The following MAGI2 variants were observed in gnomAD, a reference collection of about 807,000 sequenced individuals.
MAGI2 encodes membrane-associated guanylate kinase, WW and PDZ domain-containing protein 2.
Under a neutral mutation model 133.3 loss-of-function variants are expected in MAGI2, and 35 were observed. The ratio of observed to expected loss-of-function variants is 0.26; its 90% CI spans 0.20 to 0.35. MAGI2 has a LOEUF of 0.35. Among genes scored for constraint, MAGI2 ranks in the 10% least tolerant of loss-of-function variants. The pLI is 1.00. For synonymous variants in MAGI2, 729 were observed against 710.6 expected (o/e 1.03, Z -0.41); for missense variants, 1,636 against 1,863.4 (o/e 0.88, Z 2.25).
intron 1 of MAGI2, among the ~76,000 whole-genome samples, chr7:79,311,305 A>G (rs1168352243): frequency 6.6e-6 from 1 of 152,176 alleles, no homozygotes; most frequent in Non-Finnish European, 1.5e-5. Flanking sequence ...TGGGTCACAC[A>G]TAAAATACAC....
chr7:79,341,126 T>A (rs759071221), intron 1 of MAGI2, among the ~76,000 whole-genome samples: 1 of 152,166 alleles, frequency 6.6e-6, no homozygotes, highest in Non-Finnish European at 1.5e-5. Context: ...ACATAGCACT[T>A]ATGTTGTAAG....
intron 2 of MAGI2, among the ~76,000 whole-genome samples, chr7:79,000,859 TGTAATTCAATCAG>T (rs1371502602): frequency 5.9e-5 from 9 of 152,204 alleles, no homozygotes; most frequent in African/African-American, 2.2e-4. Context: ...CGTAACTCAG[TGTAATTCAATCAG>T]GTCTTCCACA....
rs548065263 is a variant in MAGI2, at chr7:79,193,735, C to A, written c.302-186529G>T. ...CCTTTAATAGTACTTTCTCCCCCCACCACTTTTTGTACAAGGGCCCTACAT... is the reference window on the plus strand; with the variant it reads ...CCTTTAATAGTACTTTCTCCCCCCAACACTTTTTGTACAAGGGCCCTACAT... On this transcript the variant is annotated intron_variant, in intron 1 of 21. Coordinates refer to ENST00000354212, the MANE Select transcript of MAGI2 (RefSeq NM_012301.4). Among the ~76,000 whole-genome samples the A allele has an allele frequency of 4.1e-4, 63 of 151,898 alleles. 1 individual carries two copies. Among genetic ancestry groups the A allele is most frequent in the Non-Finnish European group, 2.9e-4 (20 of 67,966 alleles).
At chr7:79,185,277 G>A (rs1265572549) in intron 1 of MAGI2, among the ~76,000 whole-genome samples, 1 of 151,782 alleles carries the variant, frequency 6.6e-6, no homozygotes, top group Non-Finnish European at 1.5e-5. Flanking sequence ...ATCTCCAAAT[G>A]AATAGAATAA....
intron 3 of MAGI2, among the ~76,000 whole-genome samples, chr7:78,602,369 A>C (rs1183087275): frequency 6.6e-6 from 1 of 152,136 alleles, no homozygotes; most frequent in Non-Finnish European, 1.5e-5. Flanking sequence ...CACGTTGGCC[A>C]AGCTGGTCTC....
chr7:79,144,472 C>T (rs1392351337), intron 1 of MAGI2, among the ~76,000 whole-genome samples: 1 of 152,220 alleles, frequency 6.6e-6, no homozygotes, highest in African/African-American at 2.4e-5. Context: ...CAAGACATGT[C>T]TGCCTTCCCT....
intron 1 of MAGI2, among the ~76,000 whole-genome samples, chr7:79,051,560 C>T (rs1220722768): frequency 1.3e-5 from 2 of 152,106 alleles, no homozygotes; most frequent in African/African-American, 4.8e-5. Context: ...TCTCTTATTG[C>T]ACATGTCTTT....
chr7:78,425,840 T>G (rs1272408028), intron 6 of MAGI2, among the ~76,000 whole-genome samples: 12 of 152,178 alleles, frequency 7.9e-5, no homozygotes, highest in Non-Finnish European at 1.6e-4. Context: ...AGCAAATAAA[T>G]TATTCCAAAT....
At chr7:78,084,560 T>C (rs1428854541) in intron 20 of MAGI2, among the ~76,000 whole-genome samples, 1 of 152,210 alleles carries the variant, frequency 6.6e-6, no homozygotes, top group Non-Finnish European at 1.5e-5. Flanking sequence ...ATCCAAATCA[T>C]GACAATTTCA....
intron 2 of MAGI2, among the ~76,000 whole-genome samples, chr7:78,758,658 G>A (rs988389614): frequency 2.6e-5 from 4 of 152,082 alleles, no homozygotes; most frequent in Admixed American, 2.0e-4. Flanking sequence ...CATCACAAAA[G>A]GGTCTCATTC....
At chr7:79,136,075 AAGAAAG>A (rs1173772694) in intron 1 of MAGI2, among the ~76,000 whole-genome samples, 1 of 88,188 alleles carries the variant, frequency 1.1e-5, no homozygotes, top group Non-Finnish European at 2.3e-5. Flanking sequence ...GAAGGAAAGA[AAGAAAG>A]AAAGAAAGAA....
chr7:78,357,480 C>A (rs74706616), intron 7 of MAGI2, among the ~76,000 whole-genome samples: 193 of 152,208 alleles, frequency 1.3e-3, no homozygotes, highest in African/African-American at 4.3e-3. Flanking sequence ...GACAATCATT[C>A]CTGTCATTTT....
intron 1 of MAGI2, among the ~76,000 whole-genome samples, chr7:79,166,399 C>G (rs1223118211): frequency 6.6e-6 from 1 of 152,074 alleles, no homozygotes; most frequent in Non-Finnish European, 1.5e-5. Context: ...GAAGAAAATT[C>G]TGTCAACAGT....
chr7:78,335,676 CA>C (rs1358787200), intron 9 of MAGI2, among the ~76,000 whole-genome samples: 1 of 151,712 alleles, frequency 6.6e-6, no homozygotes, highest in South Asian at 2.1e-4. Flanking sequence ...GGTTGGAAGA[CA>C]AAAAAATGAC....
At chr7:78,427,214 A>T (rs1370454621) in intron 6 of MAGI2, among the ~76,000 whole-genome samples, 1 of 152,134 alleles carries the variant, frequency 6.6e-6, no homozygotes, top group Non-Finnish European at 1.5e-5. Flanking sequence ...AGGAAGAATA[A>T]CAAAATAAGA....
intron 1 of MAGI2, among the ~76,000 whole-genome samples, chr7:79,374,668 T>C (rs1330577512): frequency 6.6e-6 from 1 of 152,008 alleles, no homozygotes; most frequent in Non-Finnish European, 1.5e-5. Flanking sequence ...AATTCAGATA[T>C]GGTGTTTAAA....
intron 1 of MAGI2, among the ~76,000 whole-genome samples, chr7:79,265,244 G>A (rs1834359515): frequency 6.6e-6 from 1 of 152,134 alleles, no homozygotes; most frequent in African/African-American, 2.4e-5. Context: ...TACTGAACCA[G>A]AGACTTGCGG....
chr7:79,374,729 AT>A (rs1843275913), intron 1 of MAGI2, among the ~76,000 whole-genome samples: 2 of 152,044 alleles, frequency 1.3e-5, no homozygotes, highest in African/African-American at 4.8e-5. Context: ...ATATTTACAA[AT>A]TAAAAAATTA....
chr7:78,855,296 G>A (rs1326122418), intron 2 of MAGI2, among the ~76,000 whole-genome samples: 1 of 152,074 alleles, frequency 6.6e-6, no homozygotes, highest in African/African-American at 2.4e-5. Flanking sequence ...GGGTACATGT[G>A]CACAACTTGC....
Sources: allele counts gnomAD v4.1 joint callset (sites outside exome capture counted in the v4.1 genomes callset), GRCh38; gene constraint gnomAD v4.1.1; transcripts MANE v1.5; gene names NCBI Gene and HGNC (gene_info 2026-07-23, HGNC 2026-07-21).